Variants in RBFOX1 observed in about 807,000 individuals in gnomAD.
RBFOX1 encodes the protein RNA binding fox-1 homolog 1.
Under a neutral mutation model 57.7 loss-of-function variants are expected in RBFOX1, and 8 were observed. The ratio of observed to expected loss-of-function variants is 0.14; its 90% confidence interval spans 0.08 to 0.25. The LOEUF is 0.25. RBFOX1 is among the 10% of genes least tolerant of loss of function. The probability of loss-of-function intolerance (pLI) is 1.00; values close to 1 mark genes in which losing one functional copy is unlikely to be tolerated. For missense variants in RBFOX1, 611 were observed against 548.5 expected (o/e 1.11, Z -1.14); for synonymous variants, 326 against 222.4 (o/e 1.47, Z -4.15).
rs75903099 is a variant in RBFOX1, at chr16:6,702,679, A to G, written c.-16+48029A>G. ...CAGTGACTGGTGAGAATAATTGCTCAATAAAATCCTGTACGGCAGATACTG... is the reference window on the plus strand; with the variant it reads ...CAGTGACTGGTGAGAATAATTGCTCGATAAAATCCTGTACGGCAGATACTG... On this transcript the variant is annotated intron_variant, in intron 3 of 15. Coordinates refer to ENST00000550418, the MANE Select transcript of RBFOX1 (RefSeq NM_018723.4). Among the ~76,000 whole-genome samples the G allele has an allele frequency of 3.4e-3, 520 of 152,350 alleles. 6 individuals carry two copies. The East Asian group carries it at 0.059, about 17-fold the overall frequency.
At chr16:6,798,185 T>C (rs1468489511) in intron 3 of RBFOX1, among the ~76,000 whole-genome samples, 2 of 152,182 alleles carry the variant, frequency 1.3e-5, no homozygotes, top group Non-Finnish European at 2.9e-5. Context: ...GTCTCTTCTC[T>C]GGTCGTGTCC....
At chr16:5,564,640 G>C (rs1354281358) in intron 2 of RBFOX1, among the ~76,000 whole-genome samples, 2 of 152,174 alleles carry the variant, frequency 1.3e-5, no homozygotes, top group Non-Finnish European at 2.9e-5. Flanking sequence ...TCCTGTATCA[G>C]ATGAGGGAGA....
intron 14 of RBFOX1, among the ~76,000 whole-genome samples, chr16:7,681,438 C>T (rs137935031): frequency 2.2e-4 from 34 of 152,212 alleles, no homozygotes; most frequent in Admixed American, 9.2e-4. Context: ...TTTCCATTAG[C>T]GCAGGCTACT....
intron 3 of RBFOX1, 57 bp downstream of exon 3, chr16:6,654,707 G>C: frequency 7.4e-7 from 1 of 1,352,020 alleles, no homozygotes; most frequent in African/African-American, 1.5e-5. Context: ...TCTGTGAATT[G>C]AACCCAGGTG....
chr16:6,919,547 C>G (rs915587698), intron 3 of RBFOX1, among the ~76,000 whole-genome samples: 11 of 152,036 alleles, frequency 7.2e-5, no homozygotes, highest in African/African-American at 2.4e-4. Context: ...AGAACCTACT[C>G]TCTTAGACAT....
intron 4 of RBFOX1, among the ~76,000 whole-genome samples, chr16:7,380,303 C>G (rs891844045): frequency 6.6e-6 from 1 of 152,226 alleles, no homozygotes; most frequent in Admixed American, 6.5e-5. Context: ...CCTTCCCTTT[C>G]TTCCTCCCCC....
chr16:5,470,417 G>A (rs2069095723), intron 2 of RBFOX1, among the ~76,000 whole-genome samples: 2 of 152,184 alleles, frequency 1.3e-5, no homozygotes, highest in Admixed American at 1.3e-4. Flanking sequence ...CAGTTTCTGG[G>A]TCATTTGATT....
intron 2 of RBFOX1, among the ~76,000 whole-genome samples, chr16:6,404,786 G>T (rs187658045): frequency 5.3e-5 from 8 of 152,216 alleles, no homozygotes; most frequent in African/African-American, 1.9e-4. Context: ...AAGAAGAGCA[G>T]ATCTCATCAG....
At chr16:6,510,767 A>G (rs2096239633) in intron 2 of RBFOX1, among the ~76,000 whole-genome samples, 1 of 152,190 alleles carries the variant, frequency 6.6e-6, no homozygotes, top group Admixed American at 6.5e-5. Context: ...ATTAAAAAAA[A>G]GACAACAATT....
chr16:5,854,403 G>A (rs1006296302), intron 3 of RBFOX1, among the ~76,000 whole-genome samples: 11 of 152,172 alleles, frequency 7.2e-5, no homozygotes, highest in Non-Finnish European at 1.5e-4. Context: ...AACTCTTTTA[G>A]ATCTCATGTA....
At chr16:6,971,059 A>T (rs2085422148) in intron 3 of RBFOX1, among the ~76,000 whole-genome samples, 1 of 152,238 alleles carries the variant, frequency 6.6e-6, no homozygotes, top group Non-Finnish European at 1.5e-5. Context: ...CCAAGACATA[A>T]TGATGAAAAG....
At chr16:7,705,307 C>T (rs531055664) in intron 14 of RBFOX1, among the ~76,000 whole-genome samples, 2 of 152,158 alleles carry the variant, frequency 1.3e-5, no homozygotes, top group South Asian at 4.1e-4. Flanking sequence ...GAGATCAAAA[C>T]CATCGTGGCT....
At chr16:5,887,122 C>T (rs2057917973) in intron 4 of RBFOX1, among the ~76,000 whole-genome samples, 1 of 152,076 alleles carries the variant, frequency 6.6e-6, no homozygotes, top group South Asian at 2.1e-4. Context: ...TGGCAAATGT[C>T]CCGTGGAGAA....
intron 3 of RBFOX1, among the ~76,000 whole-genome samples, chr16:6,937,306 C>G (rs967792535): frequency 2.6e-5 from 4 of 152,112 alleles, no homozygotes; most frequent in Non-Finnish European, 5.9e-5. Context: ...CCTTCATTCC[C>G]ACATCCCCCG....
At chr16:7,606,458 C>T (rs1434542331) in intron 9 of RBFOX1, among the ~76,000 whole-genome samples, 1 of 152,160 alleles carries the variant, frequency 6.6e-6, no homozygotes, top group Non-Finnish European at 1.5e-5. Flanking sequence ...CCAGCAGGAG[C>T]AGGAAACAAT....
chr16:7,628,367 A>AG (rs1380558210), intron 10 of RBFOX1, among the ~76,000 whole-genome samples: 2 of 152,190 alleles, frequency 1.3e-5, no homozygotes. Context: ...GATTTCTAGC[A>AG]GTGAGCAGAA....
intron 4 of RBFOX1, among the ~76,000 whole-genome samples, chr16:7,254,399 T>C (rs1400480532): frequency 6.6e-6 from 1 of 152,170 alleles, no homozygotes; most frequent in Admixed American, 6.5e-5. Flanking sequence ...TCTTAGATTA[T>C]CCAAGCTGGA....
chr16:6,260,105 G>A (rs1038198456), intron 1 of RBFOX1, among the ~76,000 whole-genome samples: 1 of 152,028 alleles, frequency 6.6e-6, no homozygotes, highest in Non-Finnish European at 1.5e-5. Context: ...CTGTAAATCT[G>A]CAGGCTCTTG....
At chr16:5,520,435 C>G (rs1311828009) in intron 2 of RBFOX1, among the ~76,000 whole-genome samples, 3 of 152,190 alleles carry the variant, frequency 2.0e-5, no homozygotes, top group Non-Finnish European at 1.5e-5. Context: ...TCTCAGCCAC[C>G]ATTCAGACTT....
Sources: allele counts gnomAD v4.1 joint callset (sites outside exome capture counted in the v4.1 genomes callset), GRCh38; gene constraint gnomAD v4.1.1; transcripts MANE v1.5; gene names NCBI Gene and HGNC (gene_info 2026-07-23, HGNC 2026-07-21).